Variants in TCF4 observed in about 807,000 individuals in gnomAD.
TCF4 encodes the protein transcription factor 4.
TCF4 carries 3 observed loss-of-function variants against 82.1 expected under a neutral mutation model. The observed-to-expected ratio is 0.04, with a 90% CI of 0.02 to 0.09. The LOEUF is 0.09. TCF4 is among the 10% of genes least tolerant of loss of function. The pLI, the probability that TCF4 is intolerant of heterozygous loss-of-function variation, is 1.00. For missense variants in TCF4, 518 were observed against 852.7 expected (o/e 0.61, Z 4.89); for synonymous variants, 276 against 309.6 (o/e 0.89, Z 1.14).
At chr18:55,571,425 A>T (rs2097465793) in intron 3 of TCF4, among the ~76,000 whole-genome samples, 1 of 152,208 alleles carries the variant, frequency 6.6e-6, no homozygotes, top group Non-Finnish European at 1.5e-5. Flanking sequence ...CTGGCAGGAA[A>T]GATAGGGGAA....
At chr18:55,502,784 G>C (rs2096714590) in intron 3 of TCF4, among the ~76,000 whole-genome samples, 1 of 152,150 alleles carries the variant, frequency 6.6e-6, no homozygotes. Flanking sequence ...ACAAGTTAAG[G>C]AATTAGCTAA....
At chr18:55,506,312 CTACT>C (rs896980783) in intron 3 of TCF4, among the ~76,000 whole-genome samples, 2 of 152,170 alleles carry the variant, frequency 1.3e-5, no homozygotes, top group African/African-American at 4.8e-5. Context: ...GAGGATTAGG[CTACT>C]TACTAATAAG....
At chr18:55,608,667 C>T (rs1462614291) in intron 2 of TCF4, among the ~76,000 whole-genome samples, 3 of 152,068 alleles carry the variant, frequency 2.0e-5, no homozygotes, top group Non-Finnish European at 4.4e-5. Flanking sequence ...ACTAAGACAG[C>T]GTCCCGCCTT....
intron 6 of TCF4, among the ~76,000 whole-genome samples, chr18:55,397,831 G>A (rs2093590177): frequency 6.6e-6 from 1 of 152,050 alleles, no homozygotes; most frequent in African/African-American, 2.4e-5. Context: ...ACTTAAAATG[G>A]TTGGTTCACT....
At chr18:55,327,243 A>G (rs1399846319) in intron 8 of TCF4, among the ~76,000 whole-genome samples, 1 of 152,166 alleles carries the variant, frequency 6.6e-6, no homozygotes, top group East Asian at 1.9e-4. Flanking sequence ...TATCTCAGAT[A>G]AACACACTTA....
At chr18:55,459,259 A>G (rs1268645912) in intron 5 of TCF4, among the ~76,000 whole-genome samples, 1 of 152,212 alleles carries the variant, frequency 6.6e-6, no homozygotes, top group East Asian at 1.9e-4. Context: ...GGCCACTTAT[A>G]TTTTAAATAC....
chr18:55,591,593 C>A (rs922093030), upstream of TCF4, among the ~76,000 whole-genome samples: 1 of 152,226 alleles, frequency 6.6e-6, no homozygotes, highest in Non-Finnish European at 1.5e-5. Context: ...TCTTGGCTCA[C>A]TGCAACCTCC....
chr18:55,589,809 GAGA>G, upstream of TCF4: 1 of 1,008,136 alleles, frequency 9.9e-7, no homozygotes. Context: ...GGCTTATAAA[GAGA>G]AGGAGCTGCG....
chr18:55,254,720 G>A lies in TCF4; in HGVS notation c.1147-20C>T. The A allele has an allele frequency of 6.3e-7, 1 of 1,591,596 alleles. No homozygotes were observed. The highest frequency in any genetic ancestry group is 8.6e-7 in the Non-Finnish European group (1 of 1,167,918). On this transcript the variant is annotated intron_variant, in intron 14 of 19. Transcript: ENST00000354452. ...GCTTTGCTGTTGGTTAACAAATGATGTAAAATTTGATTTAGTTCAAAAGGG... is the reference window on the plus strand; with the variant it reads ...GCTTTGCTGTTGGTTAACAAATGATATAAAATTTGATTTAGTTCAAAAGGG...
rs115077104 is a variant in TCF4, at chr18:55,547,493, C to T, written c.145+37787G>A. ...AATCAATACAGAGCTCTGTAGCTCA[C>T]CACCTACAACTATGACTGGTGTCTA... is the stretch of plus-strand genomic sequence containing the variant. On this transcript the variant is annotated intron_variant, in intron 3 of 19. Coordinates refer to ENST00000354452, the MANE Select transcript of TCF4 (RefSeq NM_001083962.2). Among the ~76,000 whole-genome samples the T allele has an allele frequency of 1.8e-3, 274 of 152,292 alleles. 2 individuals are homozygous for T. Among genetic ancestry groups the T allele is most frequent in the African/African-American group, 6.4e-3 (265 of 41,570 alleles).
chr18:55,580,803 G>C (rs1174372879), intron 3 of TCF4, among the ~76,000 whole-genome samples: 1 of 150,918 alleles, frequency 6.6e-6, no homozygotes, highest in Non-Finnish European at 1.5e-5. Context: ...CTTTGAGCTA[G>C]ACAAACCTGA....
chr18:55,427,924 T>C (rs1246087313), intron 5 of TCF4, among the ~76,000 whole-genome samples: 1 of 152,220 alleles, frequency 6.6e-6, no homozygotes, highest in East Asian at 1.9e-4. Flanking sequence ...GGATTTTGCA[T>C]GACCTCTGTC....
chr18:55,579,876 TCAAAA>T (rs1375483263), intron 3 of TCF4, among the ~76,000 whole-genome samples: 1 of 152,066 alleles, frequency 6.6e-6, no homozygotes, highest in Non-Finnish European at 1.5e-5. Context: ...AATTTTAAGC[TCAAAA>T]CAAAACTGTT....
intron 5 of TCF4, among the ~76,000 whole-genome samples, chr18:55,451,600 G>A (rs1345100949): frequency 6.6e-6 from 1 of 152,178 alleles, no homozygotes; most frequent in Non-Finnish European, 1.5e-5. Flanking sequence ...TTTTATTGAG[G>A]ATGAATACAG....
intron 5 of TCF4, among the ~76,000 whole-genome samples, chr18:55,456,363 T>C (rs1315079916): frequency 1.3e-5 from 2 of 152,052 alleles, no homozygotes; most frequent in Admixed American, 1.3e-4. Context: ...GTACCATGAG[T>C]AGGACTAGAA....
At position 55,587,939 on chromosome 18, in the gene TCF4, G is replaced by A. The variant is rs1476985381; in HGVS notation, c.-21+99C>T. ...GGAGCGCCGGGCGCCGGGAGCCCGC[G>A]GCGCGGGAGGCGCGGAGCCGCGTGC... On this transcript the variant is annotated intron_variant, in intron 1 of 19. Coordinates refer to ENST00000354452, the MANE Select transcript of TCF4 (RefSeq NM_001083962.2). 8.7e-4 allele frequency: 752 copies of A among 869,200 alleles called. 20 individuals are homozygous for A. The South Asian group carries it at 0.035, about 40-fold the overall frequency. 53.8% of individuals were successfully genotyped at this position (869,200 alleles called of 1,614,324 possible).
intron 8 of TCF4, among the ~76,000 whole-genome samples, chr18:55,319,734 G>T (rs1392484096): frequency 2.6e-5 from 4 of 151,930 alleles, no homozygotes; most frequent in Non-Finnish European, 5.9e-5. Context: ...GGGCATATTA[G>T]TGATATGATG....
At chr18:55,537,323 G>T (rs549990386) in intron 3 of TCF4, among the ~76,000 whole-genome samples, 18 of 151,988 alleles carry the variant, frequency 1.2e-4, no homozygotes, top group South Asian at 2.1e-4. Context: ...AATGTTGGCC[G>T]GGCACAGTGG....
At chr18:55,240,367 T>G (rs2050829186) in intron 15 of TCF4, among the ~76,000 whole-genome samples, 1 of 152,196 alleles carries the variant, frequency 6.6e-6, no homozygotes. Flanking sequence ...AGAAAACAGT[T>G]TTGGTGTCTG....
Sources: gnomAD v4.1 joint callset for allele counts (sites outside exome capture counted in the v4.1 genomes callset) on GRCh38, gnomAD v4.1.1 for gene constraint, MANE v1.5 for transcripts, NCBI Gene and HGNC (gene_info 2026-07-23, HGNC 2026-07-21) for gene names.